Variants in TXNRD1 observed in about 807,000 individuals in gnomAD.
TXNRD1 encodes the protein thioredoxin reductase 1, cytoplasmic.
In TXNRD1, 57 loss-of-function variants were observed where a neutral mutation model predicts 80.3. That is an observed-to-expected ratio of 0.71 (90% CI 0.57 to 0.89). The LOEUF (loss-of-function observed/expected upper bound fraction) is 0.89, where lower values mean the gene tolerates loss of function less well. TXNRD1 is among the 40% of genes least tolerant of loss of function. The pLI is 0.00. For synonymous variants in TXNRD1, 291 were observed against 285.2 expected (o/e 1.02, Z -0.20); for missense variants, 730 against 803.0 (o/e 0.91, Z 1.10).
intron 3 of TXNRD1, among the ~76,000 whole-genome samples, chr12:104,277,899 C>T (rs1328185677): frequency 7.5e-6 from 1 of 134,032 alleles, no homozygotes. Context: ...TTTTTTGAGA[C>T]GAAGTCTCAC....
intron 16 of TXNRD1, among the ~76,000 whole-genome samples, chr12:104,341,880 A>G (rs1024397179): frequency 2.0e-5 from 3 of 152,192 alleles, no homozygotes; most frequent in African/African-American, 7.2e-5. Context: ...CCCATGATAA[A>G]TTGCTAGCAT....
At chr12:104,274,542 A>G (rs1357257460) in intron 3 of TXNRD1, among the ~76,000 whole-genome samples, 1 of 151,408 alleles carries the variant, frequency 6.6e-6, no homozygotes, top group African/African-American at 2.4e-5. Flanking sequence ...ATAAAATACA[A>G]AAAAAAATTA....
chr12:104,331,255 AT>A (rs1278682659), intron 13 of TXNRD1, among the ~76,000 whole-genome samples: 1 of 152,162 alleles, frequency 6.6e-6, no homozygotes, highest in African/African-American at 2.4e-5. Context: ...AAAGTGTGTC[AT>A]TGTTGATAAC....
intron 1 of TXNRD1, among the ~76,000 whole-genome samples, chr12:104,221,088 T>C (rs986674527): frequency 3.3e-5 from 5 of 152,022 alleles, no homozygotes; most frequent in Non-Finnish European, 7.4e-5. Context: ...GGCAACAAAG[T>C]GAGCCTCAGT....
chr12:104,224,151 C>T (rs1046497681), intron 1 of TXNRD1, among the ~76,000 whole-genome samples: 25 of 152,136 alleles, frequency 1.6e-4, no homozygotes, highest in African/African-American at 4.8e-5. Context: ...CTCCCTCACT[C>T]ATCTGTTCAT....
intron 1 of TXNRD1, among the ~76,000 whole-genome samples, chr12:104,240,409 C>T (rs919973009): frequency 3.9e-5 from 6 of 152,096 alleles, no homozygotes; most frequent in Non-Finnish European, 5.9e-5. Flanking sequence ...TTGTTGGTCA[C>T]ATTGACTGAA....
intron 7 of TXNRD1, among the ~76,000 whole-genome samples, chr12:104,316,523 G>A (rs2135819562): frequency 6.6e-6 from 1 of 152,278 alleles, no homozygotes; most frequent in Admixed American, 6.5e-5. Flanking sequence ...CCGAGTAGCT[G>A]GGATTACGGG....
At chr12:104,327,737 G>T (rs1460135706) in intron 13 of TXNRD1, 66 bp downstream of exon 13, 2 of 1,531,052 alleles carry the variant, frequency 1.3e-6, no homozygotes, top group Admixed American at 3.8e-5. Context: ...CTTATTTAGG[G>T]GGCAGTTGGG....
chr12:104,317,799 C>G (rs1225238300), intron 7 of TXNRD1, among the ~76,000 whole-genome samples: 2 of 152,190 alleles, frequency 1.3e-5, no homozygotes, highest in Non-Finnish European at 2.9e-5. Flanking sequence ...TTGATTGCAC[C>G]ACTGCACTCC....
chr12:104,314,435 C>G (rs2035243450), intron 6 of TXNRD1, among the ~76,000 whole-genome samples: 1 of 152,140 alleles, frequency 6.6e-6, no homozygotes, highest in South Asian at 2.1e-4. Context: ...AGACACTGCT[C>G]TTGGTACTAG....
intron 4 of TXNRD1, among the ~76,000 whole-genome samples, chr12:104,292,338 C>CGAGTTCTT (rs1041679425): frequency 5.3e-5 from 8 of 152,006 alleles, no homozygotes. Flanking sequence ...AGGCTTTACC[C>CGAGTTCTT]GAGTTCTTTT....
In TXNRD1 at chr12:104,251,602, G is replaced by C. The variant is rs200693410; in HGVS notation, c.167G>C (p.Arg56Thr). The C allele has an allele frequency of 1.0e-3, 1,631 of 1,613,938 alleles. 12 individuals are homozygous for C. The highest frequency in any genetic ancestry group is 8.1e-3 in the Middle Eastern group (49 of 6,060). The change falls in exon 2 of 17, where the codon AGA (arginine) becomes ACA (threonine). Residue 56 changes from arginine to threonine, a missense_variant. Physicochemically the swap from Arg to Thr is moderately conservative, Grantham distance 71 (BLOSUM62 -1). Coordinates refer to ENST00000525566, the MANE Select transcript of TXNRD1 (RefSeq NM_001093771.3). ...GFTSTATADS[R>T]ALLQAYIDGH... ...ACCAGCACGGCCACTGCAGACTCCA[G>C]AGCCCTGCTTCAGGCCTATATAGAT...
intron 3 of TXNRD1, among the ~76,000 whole-genome samples, chr12:104,270,282 A>T (rs1049554467): frequency 6.6e-6 from 1 of 152,202 alleles, no homozygotes; most frequent in African/African-American, 2.4e-5. Context: ...GCCTTATAAA[A>T]TATATTTCTT....
At chr12:104,306,864 A>G (rs1035886621) in intron 4 of TXNRD1, among the ~76,000 whole-genome samples, 1 of 152,186 alleles carries the variant, frequency 6.6e-6, no homozygotes, top group Non-Finnish European at 1.5e-5. Flanking sequence ...GTTGGAAGAA[A>G]AAGTACTCTT....
intron 3 of TXNRD1, among the ~76,000 whole-genome samples, chr12:104,283,530 G>T (rs774069151): frequency 6.6e-6 from 1 of 151,660 alleles, no homozygotes; most frequent in Non-Finnish European, 1.5e-5. Flanking sequence ...GATTTCAGCC[G>T]TGAGCCATTG....
intron 4 of TXNRD1, among the ~76,000 whole-genome samples, chr12:104,292,379 A>AC (rs1182043722): frequency 7.0e-6 from 1 of 142,558 alleles, no homozygotes; most frequent in African/African-American, 2.6e-5. Context: ...CTAGGAATCT[A>AC]CCCCCGCCCC....
In TXNRD1 at chr12:104,252,788, C is replaced by T. The variant is rs540478426; in HGVS notation, c.243+1110C>T. 1.5e-3 allele frequency among the ~76,000 whole-genome samples: 215 copies of T among 140,298 alleles called. 2 individuals are homozygous for T. Among genetic ancestry groups the T allele is most frequent in the African/African-American group, 5.5e-3 (203 of 37,112 alleles). 92.0% of individuals were successfully genotyped at this position (140,298 alleles called of 152,430 possible). On this transcript the variant is annotated intron_variant, in intron 2 of 16. Coordinates refer to ENST00000525566, the MANE Select transcript of TXNRD1 (RefSeq NM_001093771.3). ...CGCGATCTCAGCTCACTGCAAGCTC[C>T]GTCTCCCGGGTTCATGCCATTTTCC...
intron 4 of TXNRD1, among the ~76,000 whole-genome samples, chr12:104,306,312 C>T (rs1450588971): frequency 1.3e-5 from 2 of 152,020 alleles, no homozygotes; most frequent in Admixed American, 1.3e-4. Flanking sequence ...TTTTTCTTTC[C>T]GTTGCATAAA....
chr12:104,345,255 A>G (rs1433094008), intron 16 of TXNRD1, among the ~76,000 whole-genome samples: 1 of 152,176 alleles, frequency 6.6e-6, no homozygotes, highest in Non-Finnish European at 1.5e-5. Context: ...ATGAATTAGA[A>G]ATAATAATAA....
Sources: allele counts gnomAD v4.1 joint callset (sites outside exome capture counted in the v4.1 genomes callset), GRCh38; gene constraint gnomAD v4.1.1; transcripts MANE v1.5; gene names NCBI Gene and HGNC (gene_info 2026-07-23, HGNC 2026-07-21).